APBA1: variants seen among roughly 807,000 people sequenced by gnomAD.
APBA1 encodes amyloid beta precursor protein binding family A member 1.
In APBA1, 55 loss-of-function variants were observed where a neutral mutation model predicts 86.6. The observed-to-expected ratio is 0.64, with a 90% CI of 0.51 to 0.80. The LOEUF is 0.80. APBA1 is among the 30% of genes least tolerant of loss of function. The pLI, the probability that APBA1 is intolerant of heterozygous loss-of-function variation, is 0.00. For synonymous variants in APBA1, 511 were observed against 493.9 expected, an observed-to-expected ratio of 1.03 and a Z score of -0.46; for missense variants, 1,090 against 1,183.0, an observed-to-expected ratio of 0.92 and a Z score of 1.15.
chr9:69,571,380 G>C (rs1837112033), intron 1 of APBA1, among the ~76,000 whole-genome samples: 1 of 152,060 alleles, frequency 6.6e-6, no homozygotes. Flanking sequence ...TATAAAAATA[G>C]CCATTAAAAT....
chr9:69,557,662 G>A (rs997990988), intron 1 of APBA1, among the ~76,000 whole-genome samples: 1 of 152,222 alleles, frequency 6.6e-6, no homozygotes, highest in Non-Finnish European at 1.5e-5. Context: ...TGGCTTGGAT[G>A]GTTTCTGATA....
chr9:69,617,916 C>G (rs1253460775), intron 1 of APBA1, among the ~76,000 whole-genome samples: 1 of 152,000 alleles, frequency 6.6e-6, no homozygotes, highest in Non-Finnish European at 1.5e-5. Context: ...GCTAGCAGTG[C>G]TAAAGTTCTG....
At chr9:69,487,584 C>G (rs2133854738) in intron 2 of APBA1, among the ~76,000 whole-genome samples, 1 of 152,146 alleles carries the variant, frequency 6.6e-6, no homozygotes, top group South Asian at 2.1e-4. Flanking sequence ...GAGCTCTACC[C>G]TCATGAATGG....
chr9:69,448,000 C>A (rs2133804075), intron 10 of APBA1, among the ~76,000 whole-genome samples: 1 of 152,226 alleles, frequency 6.6e-6, no homozygotes, highest in African/African-American at 2.4e-5. Flanking sequence ...TGTGGTCCTG[C>A]CTCCCTAGCC....
intron 1 of APBA1, among the ~76,000 whole-genome samples, chr9:69,609,951 A>C (rs992504983): frequency 6.6e-6 from 1 of 152,178 alleles, no homozygotes; most frequent in Admixed American, 6.5e-5. Context: ...GGTATGAGCC[A>C]CCACATTGGA....
In APBA1 at chr9:69,516,221, G is replaced by A. The variant is rs755868358; in HGVS notation, c.990C>T (p.Gly330=). 1 of 1,474,418 alleles carries A rather than the reference G, an allele frequency of 6.8e-7. No homozygotes were observed. Among genetic ancestry groups the A allele is most frequent in the Non-Finnish European group, 9.0e-7 (1 of 1,108,506 alleles). The allele number at this position is 1,474,418 out of a possible 1,614,324, so 91.3% of individuals were successfully genotyped here. A position where few individuals can be genotyped will look rare whatever the true frequency, so the allele number is the denominator to read the frequency against. ...AGQQRAVGPA[G]GGEAGQRYSK... Reference sequence around the variant, plus strand: ...TGTACCGCTGCCCCGCCTCGCCGCCGCCCGCGGGGCCCACCGCCCGCTGCT... The same window carrying A: ...TGTACCGCTGCCCCGCCTCGCCGCCACCCGCGGGGCCCACCGCCCGCTGCT... The change falls in exon 2 of 13, where the codon GGC becomes GGT. Residue 330 remains glycine, a synonymous_variant. Transcript: ENST00000265381. The surrounding 1 kb of genome is among the most constrained non-coding windows in gnomAD (Gnocchi z 7.3).
intron 5 of APBA1, among the ~76,000 whole-genome samples, chr9:69,467,610 A>G (rs941909359): frequency 6.6e-6 from 1 of 152,248 alleles, no homozygotes; most frequent in Non-Finnish European, 1.5e-5. Context: ...GGCCATTTAT[A>G]ACAACCTAAA....
At chr9:69,443,282 G>C (rs1257831240) in intron 10 of APBA1, among the ~76,000 whole-genome samples, 1 of 152,174 alleles carries the variant, frequency 6.6e-6, no homozygotes, top group African/African-American at 2.4e-5. Flanking sequence ...TCAATTTTGC[G>C]AACAACTGTT....
At chr9:69,432,155 G>T (rs1379089060) in intron 12 of APBA1, among the ~76,000 whole-genome samples, 1 of 152,248 alleles carries the variant, frequency 6.6e-6, no homozygotes, top group Admixed American at 6.5e-5. Context: ...CCTCTGGAAG[G>T]CCACTTTGTT....
intron 1 of APBA1, among the ~76,000 whole-genome samples, chr9:69,523,517 A>ATG (rs1836294614): frequency 3.3e-5 from 2 of 60,196 alleles, no homozygotes; most frequent in South Asian, 5.4e-4. Context: ...ATATATATAT[A>ATG]TATATATATA....
intron 2 of APBA1, among the ~76,000 whole-genome samples, chr9:69,505,442 C>T (rs1037798919): frequency 3.9e-5 from 6 of 152,106 alleles, no homozygotes; most frequent in Non-Finnish European, 7.4e-5. Flanking sequence ...ACACTAACTC[C>T]TCCATCACAG....
At chr9:69,465,642 G>A (rs1205699468) in intron 5 of APBA1, 1 of 152,258 alleles carries the variant, frequency 6.6e-6, no homozygotes, top group East Asian at 1.9e-4. Context: ...AGAACATGGT[G>A]ATGTTCTATC....
intron 1 of APBA1, among the ~76,000 whole-genome samples, chr9:69,663,191 T>C (rs918241288): frequency 6.6e-6 from 1 of 152,212 alleles, no homozygotes; most frequent in African/African-American, 2.4e-5. Flanking sequence ...ATAGGAAGCA[T>C]CAGGGTGGAT....
chr9:69,618,282 C>A (rs114287323), intron 1 of APBA1, among the ~76,000 whole-genome samples: 1 of 152,284 alleles, frequency 6.6e-6, no homozygotes, highest in African/African-American at 2.4e-5. Flanking sequence ...CCTACAGAAG[C>A]CATGCATTGA....
At chr9:69,614,379 C>T (rs957353528) in intron 1 of APBA1, among the ~76,000 whole-genome samples, 67 of 152,150 alleles carry the variant, frequency 4.4e-4, no homozygotes, top group African/African-American at 1.6e-3. Context: ...GTATGAGAAA[C>T]ATTGTCAAAT....
In APBA1 at chr9:69,456,346, C is replaced by A; in HGVS notation, c.1689G>T (p.Met563Ile). Residue 563 changes from methionine (M) to isoleucine (I), a missense_variant, in exon 8 of 13, where the codon ATG becomes ATT. Transcript: ENST00000265381. Reference sequence around the variant, plus strand: ...CGTTCTCCTGGGAGTTGGAGCGAGGCATCCGCCGGCGGGCCATCAGCACAA... The same window carrying A: ...CGTTCTCCTGGGAGTTGGAGCGAGGAATCCGCCGGCGGGCCATCAGCACAA... ...NIVVLMARRR[M>I]PRSNSQENVE... 1 of 1,614,118 alleles carries A rather than the reference C, an allele frequency of 6.2e-7. No homozygotes were observed. The highest frequency in any genetic ancestry group is 8.5e-7 in the Non-Finnish European group (1 of 1,179,990).
chr9:69,474,072 C>T (rs1384549769), intron 3 of APBA1, among the ~76,000 whole-genome samples: 2 of 152,136 alleles, frequency 1.3e-5, no homozygotes, highest in South Asian at 4.1e-4. Flanking sequence ...ATCAGTTGAT[C>T]CTTAACTTTC....
intron 1 of APBA1, among the ~76,000 whole-genome samples, chr9:69,568,172 G>T (rs992281757): frequency 6.6e-6 from 1 of 152,120 alleles, no homozygotes; most frequent in African/African-American, 2.4e-5. Flanking sequence ...AGCCACAAGG[G>T]CTTCCTGAGA....
intron 1 of APBA1, among the ~76,000 whole-genome samples, chr9:69,577,656 T>A (rs1460878201): frequency 6.6e-6 from 1 of 152,108 alleles, no homozygotes; most frequent in Non-Finnish European, 1.5e-5. Flanking sequence ...AGAAATGCAA[T>A]CATCACTATA....
Sources: allele counts gnomAD v4.1 joint callset (sites outside exome capture counted in the v4.1 genomes callset), GRCh38; gene constraint gnomAD v4.1.1; non-coding constraint Gnocchi (gnomAD v3.1); transcripts MANE v1.5; gene names NCBI Gene and HGNC (gene_info 2026-07-23, HGNC 2026-07-21).